CHRM3: variants seen among roughly 807,000 people sequenced by gnomAD.
CHRM3 encodes muscarinic acetylcholine receptor M3.
A neutral mutation model predicts 41.8 loss-of-function variants in CHRM3; 11 were observed. The ratio of observed to expected loss-of-function variants is 0.26; its 90% CI spans 0.17 to 0.44. CHRM3 has a LOEUF of 0.44. Among genes scored for constraint, CHRM3 ranks in the 20% least tolerant of loss-of-function variants. The pLI is 1.00. For missense variants in CHRM3, 571 were observed against 745.4 expected (o/e 0.77, Z 2.72); for synonymous variants, 297 against 301.4 (o/e 0.99, Z 0.15).
At chr1:239,464,026 C>T (rs903084555) in intron 1 of CHRM3, among the ~76,000 whole-genome samples, 2 of 152,160 alleles carry the variant, frequency 1.3e-5, no homozygotes. Context: ...CCTGTAATCT[C>T]AGCACTTTGG....
chr1:239,797,955 G>A (rs974872088), intron 5 of CHRM3, among the ~76,000 whole-genome samples: 1 of 152,040 alleles, frequency 6.6e-6, no homozygotes, highest in Non-Finnish European at 1.5e-5. Flanking sequence ...AGACTGAAGC[G>A]GGATGATCAC....
At chr1:239,571,178 G>A (rs1661789695) in intron 3 of CHRM3, among the ~76,000 whole-genome samples, 1 of 152,108 alleles carries the variant, frequency 6.6e-6, no homozygotes, top group Admixed American at 6.6e-5. Context: ...TTAAAAAGGT[G>A]ACCAGGCCCA....
Position 239,798,156 on chromosome 1 carries a change from C to T in CHRM3, c.-146-29096C>T, listed in dbSNP as rs190497937. Among the ~76,000 whole-genome samples the T allele has an allele frequency of 3.5e-3, 531 of 152,240 alleles. 1 individual carries two copies. Among genetic ancestry groups the T allele is most frequent in the Middle Eastern group, 0.01 (3 of 294 alleles). ...TCAGGCTTAAAACTTGGGAGTCACC[C>T]TTGTTTCTTCCTCTCCCTCCTGCTG... On this transcript the variant is annotated intron_variant, in intron 5 of 6. Coordinates refer to ENST00000676153, the MANE Select transcript of CHRM3 (RefSeq NM_001375978.1).
intron 6 of CHRM3, among the ~76,000 whole-genome samples, chr1:239,874,401 C>T (rs938696423): frequency 3.4e-5 from 5 of 145,476 alleles, no homozygotes; most frequent in Non-Finnish European, 6.0e-5. Flanking sequence ...TTCAGCCAAA[C>T]GCAAATGGAA....
intron 1 of CHRM3, among the ~76,000 whole-genome samples, chr1:239,467,903 C>G (rs547120578): frequency 7.4e-4 from 98 of 132,858 alleles, no homozygotes; most frequent in Non-Finnish European, 1.0e-3. Flanking sequence ...TTCCCTACCC[C>G]CCCCCAACGT....
At chr1:239,388,291 T>C (rs1658711750) in intron 1 of CHRM3, among the ~76,000 whole-genome samples, 2 of 152,202 alleles carry the variant, frequency 1.3e-5, no homozygotes, top group South Asian at 4.1e-4. Context: ...CAAAAATGTA[T>C]TTATCAAAGC....
At position 239,907,361 on chromosome 1, in the gene CHRM3, G is replaced by A. The variant is rs1276019889; in HGVS notation, c.-19-72G>A. On this transcript the variant is annotated intron_variant, in intron 6 of 6. Coordinates refer to ENST00000676153, the MANE Select transcript of CHRM3 (RefSeq NM_001375978.1). This position sits in a 1 kb window ranked among gnomAD's most constrained non-coding sequence, Gnocchi z 5.4. ...TAATAGGCCTTCCATGTCTTTTAAC[G>A]TATGTAATGCAAAGAACAAACAAAT... 2.1e-5 allele frequency: 24 copies of A among 1,156,896 alleles called. No individual in the cohort carries two copies. The Admixed American group carries it at 3.3e-4, about 16-fold the overall frequency. 71.7% of individuals were successfully genotyped at this position (1,156,896 alleles called of 1,614,324 possible). A position where few individuals can be genotyped will look rare whatever the true frequency, so the allele number is the denominator to read the frequency against.
chr1:239,787,309 G>A (rs562771065), intron 5 of CHRM3, among the ~76,000 whole-genome samples: 1 of 152,234 alleles, frequency 6.6e-6, no homozygotes, highest in East Asian at 1.9e-4. Context: ...TCTCCTTGAG[G>A]TTAGCTCTGG....
At chr1:239,821,706 C>T (rs776852229) in intron 5 of CHRM3, among the ~76,000 whole-genome samples, 6 of 152,136 alleles carry the variant, frequency 3.9e-5, no homozygotes, top group Non-Finnish European at 5.9e-5. Flanking sequence ...TTTCTAAATT[C>T]CAGAATCAGA....
rs781473101 is a variant in CHRM3, at chr1:239,618,028, C to A, written c.-312-14196C>A. Among the ~76,000 whole-genome samples the A allele has an allele frequency of 2.0e-5, 3 of 152,016 alleles. No homozygotes were observed. In the East Asian group the frequency reaches 5.8e-4, roughly 30 times the overall value. ...CAGTCTTCTCTGCCTGCCGTTGTTA[C>A]GTTTCCTTTTTTCTTTTTATCAACT... On this transcript the variant is annotated intron_variant, in intron 3 of 6. Transcript: ENST00000676153.
At chr1:239,764,772 G>A (rs1047042162) in intron 5 of CHRM3, among the ~76,000 whole-genome samples, 3 of 152,190 alleles carry the variant, frequency 2.0e-5, no homozygotes, top group South Asian at 4.1e-4. Flanking sequence ...CTCTAGCCAC[G>A]TCTCATGAGA....
chr1:239,595,790 A>T (rs1484746283), intron 3 of CHRM3, among the ~76,000 whole-genome samples: 1 of 152,220 alleles, frequency 6.6e-6, no homozygotes, highest in Non-Finnish European at 1.5e-5. Flanking sequence ...AGGGGAATAT[A>T]TTCTAATTTA....
chr1:239,741,159 G>T (rs1664814051), intron 5 of CHRM3, among the ~76,000 whole-genome samples: 1 of 152,086 alleles, frequency 6.6e-6, no homozygotes, highest in South Asian at 2.1e-4. Context: ...TATATGACAT[G>T]GGAACCTTCA....
chr1:239,472,971 A>G (rs1167348102), intron 1 of CHRM3, among the ~76,000 whole-genome samples: 2 of 152,210 alleles, frequency 1.3e-5, no homozygotes, highest in Non-Finnish European at 2.9e-5. Context: ...ACAAAGAAAG[A>G]TCAGTAATAG....
At chr1:239,455,628 T>A (rs1365345212) in intron 1 of CHRM3, among the ~76,000 whole-genome samples, 1 of 152,128 alleles carries the variant, frequency 6.6e-6, no homozygotes, top group Admixed American at 6.6e-5. Flanking sequence ...AAAAAGCTTA[T>A]AGTATAAGGG....
At chr1:239,837,746 A>G (rs1010687950) in intron 6 of CHRM3, among the ~76,000 whole-genome samples, 2 of 152,170 alleles carry the variant, frequency 1.3e-5, no homozygotes, top group African/African-American at 4.8e-5. Flanking sequence ...TTTATCTCCA[A>G]TCACCAATCT....
At chr1:239,719,983 G>A (rs1662774438) in intron 5 of CHRM3, among the ~76,000 whole-genome samples, 1 of 151,950 alleles carries the variant, frequency 6.6e-6, no homozygotes, top group Admixed American at 6.6e-5. Flanking sequence ...AATTGCTTCC[G>A]AAAGCTTTGT....
At chr1:239,440,233 T>C (rs1663608522) in intron 1 of CHRM3, among the ~76,000 whole-genome samples, 1 of 149,868 alleles carries the variant, frequency 6.7e-6, no homozygotes, top group African/African-American at 2.5e-5. Context: ...ATAGGGACAT[T>C]AATTTAGAGA....
intron 6 of CHRM3, among the ~76,000 whole-genome samples, chr1:239,906,456 C>T (rs973828174): frequency 2.6e-5 from 4 of 152,024 alleles, no homozygotes; most frequent in Non-Finnish European, 4.4e-5. Flanking sequence ...GTGTGAATTC[C>T]TGAGCCAGTG....
Sources: allele counts gnomAD v4.1 joint callset (sites outside exome capture counted in the v4.1 genomes callset), GRCh38; gene constraint gnomAD v4.1.1; non-coding constraint Gnocchi (gnomAD v3.1); transcripts MANE v1.5; gene names NCBI Gene and HGNC (gene_info 2026-07-23, HGNC 2026-07-21).